Variants in HMBOX1 observed in about 807,000 individuals in gnomAD.
HMBOX1 encodes homeobox-containing protein 1.
In HMBOX1, 14 loss-of-function variants were observed where a neutral mutation model predicts 54.5. The observed-to-expected ratio is 0.26, with a 90% CI of 0.17 to 0.40. The LOEUF is 0.40. Among genes scored for constraint, HMBOX1 ranks in the 10% least tolerant of loss-of-function variants. The pLI, the probability that HMBOX1 is intolerant of heterozygous loss-of-function variation, is 1.00. For synonymous variants in HMBOX1, 160 were observed against 181.0 expected, an observed-to-expected ratio of 0.88 and a Z score of 0.93; for missense variants, 332 against 514.4, an observed-to-expected ratio of 0.65 and a Z score of 3.43.
upstream of HMBOX1, chr8:28,890,146 T>C (rs1810582927): frequency 3.9e-6 from 2 of 518,504 alleles, no homozygotes; most frequent in South Asian, 4.1e-5. Context: ...CAATGCATCC[T>C]CCCTCTCCAC....
At chr8:28,952,049 G>C (rs1229204746) in intron 1 of HMBOX1, among the ~76,000 whole-genome samples, 1 of 151,704 alleles carries the variant, frequency 6.6e-6, no homozygotes, top group Non-Finnish European at 1.5e-5. Context: ...TATGGCATGT[G>C]CCTGTAGTCC....
Position 28,892,901 on chromosome 8 carries a change from G to A in HMBOX1, c.-58+2223G>A, listed in dbSNP as rs143306145. On this transcript the variant is annotated intron_variant, in intron 1 of 9. Transcript: ENST00000287701. The stretch of plus-strand genomic sequence containing the variant: ...TGCAAAAACCAGAGAAAAATCCTAC[G>A]TAACTACTTAACGGAGTGTTTTGTT... 4.5e-3 allele frequency among the ~76,000 whole-genome samples: 689 copies of A among 152,214 alleles called. 2 individuals are homozygous for A. Among genetic ancestry groups the A allele is most frequent in the Non-Finnish European group, 5.8e-3 (393 of 67,980 alleles).
chr8:28,927,414 A>G (rs746553170), intron 1 of HMBOX1, among the ~76,000 whole-genome samples: 9 of 152,196 alleles, frequency 5.9e-5, no homozygotes, highest in Non-Finnish European at 1.2e-4. Flanking sequence ...TCTGCAGGCT[A>G]TACAAGAAGC....
intron 1 of HMBOX1, among the ~76,000 whole-genome samples, chr8:28,914,626 C>T (rs1022116): frequency 0.88 from 133,963 of 152,260 alleles, 58,981 homozygotes; most frequent in East Asian, 0.95. Flanking sequence ...GCCATGACAG[C>T]TAATGTGACA....
chr8:28,928,686 G>C (rs1818968758), intron 1 of HMBOX1, among the ~76,000 whole-genome samples: 1 of 152,188 alleles, frequency 6.6e-6, no homozygotes, highest in African/African-American at 2.4e-5. Context: ...TTATTCATTA[G>C]AAAACAAGGA....
At chr8:29,048,389 T>TG (rs1805921275) in intron 8 of HMBOX1, 1 of 152,148 alleles carries the variant, frequency 6.6e-6, no homozygotes. Context: ...CGAATACAAC[T>TG]GAAAAAGGAA....
At chr8:29,050,951 C>T (rs1806357190) in intron 9 of HMBOX1, 67 bp from the exon 10 acceptor site, 1 of 1,524,752 alleles carries the variant, frequency 6.6e-7, no homozygotes, top group Non-Finnish European at 8.9e-7. Context: ...CTTGCCCCAG[C>T]ATGTCTCTCT....
At chr8:28,953,720 G>A (rs1290830537) in intron 1 of HMBOX1, among the ~76,000 whole-genome samples, 1 of 152,138 alleles carries the variant, frequency 6.6e-6, no homozygotes, top group African/African-American at 2.4e-5. Flanking sequence ...ATTTGCTTGA[G>A]AATACCTCTT....
intron 1 of HMBOX1, among the ~76,000 whole-genome samples, chr8:28,892,470 G>C (rs918307030): frequency 2.0e-5 from 3 of 152,120 alleles, no homozygotes; most frequent in Non-Finnish European, 4.4e-5. Flanking sequence ...TAGTGTAACG[G>C]ATTTTTAAAG....
chr8:28,953,429 A>G (rs767451765), intron 1 of HMBOX1, among the ~76,000 whole-genome samples: 2 of 152,210 alleles, frequency 1.3e-5, no homozygotes, highest in Non-Finnish European at 2.9e-5. Flanking sequence ...TTTTAGCTTT[A>G]AAAAACATAG....
intron 1 of HMBOX1, among the ~76,000 whole-genome samples, chr8:28,913,161 C>T (rs926642483): frequency 3.3e-5 from 5 of 152,148 alleles, no homozygotes; most frequent in African/African-American, 1.2e-4. Context: ...TAGTGCTGGT[C>T]TTGCCCTCTT....
At chr8:28,893,191 A>C (rs986235336) in intron 1 of HMBOX1, among the ~76,000 whole-genome samples, 2 of 152,188 alleles carry the variant, frequency 1.3e-5, no homozygotes, top group Admixed American at 1.3e-4. Context: ...ATATATTCCC[A>C]GCATTTGTTG....
At chr8:29,008,619 T>G (rs1833802848) in intron 4 of HMBOX1, among the ~76,000 whole-genome samples, 1 of 152,202 alleles carries the variant, frequency 6.6e-6, no homozygotes, top group South Asian at 2.1e-4. Flanking sequence ...AGCCCCTAAA[T>G]CTTTTGGTCA....
intron 1 of HMBOX1, among the ~76,000 whole-genome samples, chr8:28,940,796 C>T (rs1821262574): frequency 6.6e-6 from 1 of 152,114 alleles, no homozygotes; most frequent in Non-Finnish European, 1.5e-5. Flanking sequence ...TCATTGTGAG[C>T]ATCAAATGAG....
At chr8:28,909,940 G>A (rs1209069296) in intron 1 of HMBOX1, among the ~76,000 whole-genome samples, 1 of 151,796 alleles carries the variant, frequency 6.6e-6, no homozygotes, top group Non-Finnish European at 1.5e-5. Flanking sequence ...GCTCACTGCA[G>A]CCTTGACTTC....
At chr8:28,908,279 C>G (rs947225425) in intron 1 of HMBOX1, among the ~76,000 whole-genome samples, 2 of 152,012 alleles carry the variant, frequency 1.3e-5, no homozygotes, top group Non-Finnish European at 2.9e-5. Context: ...TTTATAGGAC[C>G]TTTCCTAGGA....
At chr8:29,001,564 A>G (rs1832666158) in intron 4 of HMBOX1, among the ~76,000 whole-genome samples, 1 of 144,432 alleles carries the variant, frequency 6.9e-6, no homozygotes, top group East Asian at 2.0e-4. Flanking sequence ...AAAACAAAAC[A>G]AAACAAAACA....
chr8:28,967,119 A>C lies in HMBOX1; in HGVS notation c.24-2924A>C, dbSNP rs185770816. On this transcript the variant is annotated intron_variant, in intron 2 of 9. Transcript: ENST00000287701. ...CTAATATCTTCCTGCAACTGAACAC[A>C]GTTATGGTGACTGTTCATCTTTCCC... Among the ~76,000 whole-genome samples the C allele has an allele frequency of 2.7e-3, 404 of 152,286 alleles. 1 individual carries two copies. The highest frequency in any genetic ancestry group is 8.9e-3 in the African/African-American group (369 of 41,566).
Position 28,963,892 on chromosome 8 carries a change from T to TAAGTATC in HMBOX1, c.23+7_23+13dup, listed in dbSNP as rs1826008850. 1 of 1,601,038 alleles carries TAAGTATC rather than the reference T, an allele frequency of 6.2e-7. No individual in the cohort carries two copies. Among genetic ancestry groups the TAAGTATC allele is most frequent in the African/African-American group, 1.3e-5 (1 of 74,688 alleles). On this transcript the variant is annotated splice_region_variant and intron_variant, in intron 2 of 9. Coordinates refer to ENST00000287701, the MANE Select transcript of HMBOX1 (RefSeq NM_001135726.3). ...TATGCTTAGTTCCTTTCCAGTGGTG[T>TAAGTATC]AAGTATCAAGTCCTTTTTGATTTTT... is the stretch of plus-strand genomic sequence containing the variant.
Sources: allele counts gnomAD v4.1 joint callset (sites outside exome capture counted in the v4.1 genomes callset), GRCh38; gene constraint gnomAD v4.1.1; transcripts MANE v1.5; gene names NCBI Gene and HGNC (gene_info 2026-07-23, HGNC 2026-07-21).